ZFPM1: variants seen among roughly 807,000 people sequenced by gnomAD.
ZFPM1 encodes zinc finger protein, FOG family member 1, also known as zinc finger protein ZFPM1.
ZFPM1 carries 28 observed loss-of-function variants against 46.3 expected under a neutral mutation model. The ratio of observed to expected loss-of-function variants is 0.60; its 90% CI spans 0.45 to 0.83. The LOEUF (loss-of-function observed/expected upper bound fraction) is 0.83. Ranked by LOEUF, ZFPM1 falls within the 40% of genes least tolerant of loss-of-function variation. The pLI, the probability that ZFPM1 is intolerant of heterozygous loss-of-function variation, is 0.00. For synonymous variants in ZFPM1, 957 were observed against 675.9 expected, an observed-to-expected ratio of 1.42 and a Z score of -6.45; for missense variants, 1,878 against 1,432.4, an observed-to-expected ratio of 1.31 and a Z score of -5.02.
chr16:88,471,626 C>T lies in ZFPM1; in HGVS notation c.41-14313C>T, dbSNP rs1908426481. Among the ~76,000 whole-genome samples, 1 of 152,062 alleles carries T rather than the reference C, an allele frequency of 6.6e-6. No homozygotes were observed. Among genetic ancestry groups the T allele is most frequent in the South Asian group, 2.1e-4 (1 of 4,804 alleles). Reference sequence around the variant, plus strand: ...TCGTGGCTGTAGCGGCTCCCACTCACAGAGGTGGGGTCAGGGCCCCAAGAT... The same window carrying T: ...TCGTGGCTGTAGCGGCTCCCACTCATAGAGGTGGGGTCAGGGCCCCAAGAT... On this transcript the variant is annotated intron_variant, in intron 1 of 9. Coordinates refer to ENST00000319555, the MANE Select transcript of ZFPM1 (RefSeq NM_153813.3). The surrounding 1 kb of genome is among the most constrained non-coding windows in gnomAD (Gnocchi z 4.1).
chr16:88,521,020 G>C (rs949310753), intron 4 of ZFPM1, among the ~76,000 whole-genome samples: 2 of 121,336 alleles, frequency 1.6e-5, no homozygotes, highest in African/African-American at 6.6e-5. Context: ...GGATGATTAT[G>C]TAGGTGGGTA....
chr16:88,465,173 C>T (rs914771130), intron 1 of ZFPM1, among the ~76,000 whole-genome samples: 6 of 152,208 alleles, frequency 3.9e-5, no homozygotes, highest in Non-Finnish European at 7.3e-5. Context: ...GCACAGACCC[C>T]GTGTCCGGAG....
At chr16:88,459,352 C>T (rs1015456511) in intron 1 of ZFPM1, among the ~76,000 whole-genome samples, 1 of 152,232 alleles carries the variant, frequency 6.6e-6, no homozygotes. Context: ...CACACCACAG[C>T]TCTGCCACTT....
At position 88,533,572 on chromosome 16, in the gene ZFPM1, C is replaced by G. The variant is rs754957631; in HGVS notation, c.1614C>G (p.Pro538=). The G allele has an allele frequency of 4.1e-5, 62 of 1,497,088 alleles. No individual in the cohort carries two copies. Among genetic ancestry groups the G allele is most frequent in the Non-Finnish European group, 5.4e-5 (61 of 1,124,284 alleles). The allele number at this position is 1,497,088 out of a possible 1,614,324, so 92.7% of individuals were successfully genotyped here. A position where few individuals can be genotyped will look rare whatever the true frequency, so the allele number is the denominator to read the frequency against. Residue 538 remains proline (P), a synonymous_variant, in exon 10 of 10, where the codon CCC becomes CCG. Coordinates refer to ENST00000319555, the MANE Select transcript of ZFPM1 (RefSeq NM_153813.3). Reference sequence around the variant, plus strand: ...TGTTCGGGCCCGACGCGGCGCCCCCCGCCTCGGAGATCCTGGCCAAGATGT... The same window carrying G: ...TGTTCGGGCCCGACGCGGCGCCCCCGGCCTCGGAGATCCTGGCCAAGATGT... ...QYVFGPDAAP[P]ASEILAKMSE...
At chr16:88,529,987 A>G (rs1912658301) in intron 6 of ZFPM1, among the ~76,000 whole-genome samples, 2 of 152,202 alleles carry the variant, frequency 1.3e-5, no homozygotes, top group Admixed American at 6.5e-5. Flanking sequence ...CCACTGCCCC[A>G]GGGAGCCAGG....
intron 3 of ZFPM1, among the ~76,000 whole-genome samples, chr16:88,505,638 A>G (rs74035516): frequency 0.06 from 9,197 of 152,182 alleles, 454 homozygotes; most frequent in African/African-American, 0.14. Context: ...AGGCATCACC[A>G]TACCTGGCAT....
chr16:88,453,741 A>C (rs951329371), intron 1 of ZFPM1, 63 bp downstream of exon 1: 2 of 1,023,524 alleles, frequency 2.0e-6, no homozygotes, highest in African/African-American at 1.8e-5. Context: ...CCCAGCCGCC[A>C]GCGCCGCCCC....
chr16:88,527,362 G>A (rs570512883), intron 5 of ZFPM1, among the ~76,000 whole-genome samples: 1 of 152,164 alleles, frequency 6.6e-6, no homozygotes, highest in Non-Finnish European at 1.5e-5. Flanking sequence ...GAAGTCGAGG[G>A]GCCTTGCCGT....
chr16:88,454,649 G>A (rs1472635346), intron 1 of ZFPM1, among the ~76,000 whole-genome samples: 1 of 152,248 alleles, frequency 6.6e-6, no homozygotes, highest in Non-Finnish European at 1.5e-5. Context: ...TGTCTGGCCT[G>A]GGCCTCTGGG....
At chr16:88,496,307 A>G (rs1909927803) in intron 3 of ZFPM1, among the ~76,000 whole-genome samples, 1 of 152,026 alleles carries the variant, frequency 6.6e-6, no homozygotes, top group South Asian at 2.1e-4. Flanking sequence ...TGGGGGTTCC[A>G]GGCTGGAGCC....
At chr16:88,454,212 G>T (rs1010690796) in intron 1 of ZFPM1, among the ~76,000 whole-genome samples, 4 of 151,962 alleles carry the variant, frequency 2.6e-5, no homozygotes, top group Non-Finnish European at 5.9e-5. Flanking sequence ...CAAGTGGCAG[G>T]CACCGGCCCG....
chr16:88,482,971 G>A lies in ZFPM1; in HGVS notation c.41-2968G>A, dbSNP rs561225976. 5.1e-4 allele frequency among the ~76,000 whole-genome samples: 77 copies of A among 152,304 alleles called. 1 individual carries two copies. Among genetic ancestry groups the A allele is most frequent in the Admixed American group, 1.4e-3 (22 of 15,314 alleles). On this transcript the variant is annotated intron_variant, in intron 1 of 9. Transcript: ENST00000319555. ...TCGGTGGCTGCTTTTCTGCCCTGGCGTGTGCTGAGGGAGGGCACTCGGGTT... is the reference window on the plus strand; with the variant it reads ...TCGGTGGCTGCTTTTCTGCCCTGGCATGTGCTGAGGGAGGGCACTCGGGTT...
Position 88,533,710 on chromosome 16 carries a change from C to A in ZFPM1, c.1752C>A (p.Ile584=), listed in dbSNP as rs1433790996. ...GCGCTACGTGCTTCGAGTGCGAGAT[C>A]ACCTTCAGCAACGTCAACAACTACT... ...PKGATCFECE[I]TFSNVNNYYV... Residue 584 remains isoleucine (I), a synonymous_variant, in exon 10 of 10, where the codon ATC becomes ATA. Coordinates refer to ENST00000319555, the MANE Select transcript of ZFPM1 (RefSeq NM_153813.3). The A allele has an allele frequency of 6.6e-7, 1 of 1,512,680 alleles. No homozygotes were observed. Among genetic ancestry groups the A allele is most frequent in the Non-Finnish European group, 8.9e-7 (1 of 1,125,106 alleles). 93.7% of individuals were successfully genotyped at this position (1,512,680 alleles called of 1,614,324 possible).
At chr16:88,522,762 G>T (rs1251091617) in intron 4 of ZFPM1, among the ~76,000 whole-genome samples, 1 of 152,190 alleles carries the variant, frequency 6.6e-6, no homozygotes, top group Non-Finnish European at 1.5e-5. Context: ...CGGCAAACAG[G>T]GTGGGCTCTA....
intron 3 of ZFPM1, among the ~76,000 whole-genome samples, chr16:88,496,892 G>T (rs1909961416): frequency 6.6e-6 from 1 of 152,196 alleles, no homozygotes; most frequent in Admixed American, 6.5e-5. Flanking sequence ...GGAAACGGGG[G>T]CTCAGCAAGG....
intron 4 of ZFPM1, among the ~76,000 whole-genome samples, chr16:88,515,592 G>A (rs1232062770): frequency 6.6e-6 from 1 of 152,252 alleles, no homozygotes; most frequent in Non-Finnish European, 1.5e-5. Flanking sequence ...GGCGGGTCAC[G>A]TGAGATGGTC....
chr16:88,488,020 T>C (rs1303918004), intron 2 of ZFPM1, among the ~76,000 whole-genome samples: 1 of 152,224 alleles, frequency 6.6e-6, no homozygotes, highest in Non-Finnish European at 1.5e-5. Flanking sequence ...GCCGGGCTCT[T>C]AACCCTCGCG....
intron 1 of ZFPM1, chr16:88,468,874 C>G (rs534380035): frequency 4.6e-5 from 7 of 152,560 alleles, no homozygotes; most frequent in Non-Finnish European, 8.8e-5. Flanking sequence ...GGACCCTGCC[C>G]CAGGACGGGA....
intron 1 of ZFPM1, among the ~76,000 whole-genome samples, chr16:88,468,600 G>GC (rs1446031022): frequency 1.3e-5 from 2 of 152,154 alleles, no homozygotes; most frequent in African/African-American, 2.4e-5. Context: ...TGTAACTGAA[G>GC]CCCCCCACCA....
Sources: gnomAD v4.1 joint callset for allele counts (sites outside exome capture counted in the v4.1 genomes callset) on GRCh38, gnomAD v4.1.1 for gene constraint, Gnocchi (gnomAD v3.1) non-coding constraint, MANE v1.5 for transcripts, NCBI Gene and HGNC (gene_info 2026-07-23, HGNC 2026-07-21) for gene names.